Variants in GNAQ observed in about 807,000 individuals in gnomAD.
The protein encoded by GNAQ is G protein subunit alpha q.
GNAQ carries 8 observed loss-of-function variants against 43.9 expected under a neutral mutation model. That is an observed-to-expected ratio of 0.18 (90% CI 0.11 to 0.33). GNAQ has a LOEUF of 0.33. Among genes scored for constraint, GNAQ ranks in the 10% least tolerant of loss-of-function variants. GNAQ has a pLI of 1.00. For missense variants in GNAQ, 158 were observed against 450.8 expected, an observed-to-expected ratio of 0.35 and a Z score of 5.88; for synonymous variants, 155 against 170.7, an observed-to-expected ratio of 0.91 and a Z score of 0.71.
intron 2 of GNAQ, 86 bp from the exon 3 acceptor site, chr9:77,815,856 G>A: frequency 2.5e-6 from 2 of 789,758 alleles, no homozygotes; most frequent in Non-Finnish European, 2.1e-6. Context: ...TACAATTCAG[G>A]TAACACCTTC....
At chr9:77,824,054 C>T (rs1311331589) in intron 2 of GNAQ, among the ~76,000 whole-genome samples, 1 of 152,170 alleles carries the variant, frequency 6.6e-6, no homozygotes, top group Non-Finnish European at 1.5e-5. Context: ...TTGGTACCTT[C>T]ATGTACTTTA....
intron 2 of GNAQ, among the ~76,000 whole-genome samples, chr9:77,907,929 G>C (rs1828737827): frequency 6.6e-6 from 1 of 150,804 alleles, no homozygotes; most frequent in South Asian, 2.1e-4. Flanking sequence ...GGTGCCAAAG[G>C]TGTTTATGGA....
At chr9:78,022,707 T>C (rs1026812445) in intron 1 of GNAQ, among the ~76,000 whole-genome samples, 13 of 152,156 alleles carry the variant, frequency 8.5e-5, no homozygotes, top group South Asian at 2.1e-4. Flanking sequence ...TTAGAACAAG[T>C]CACAGGAAAT....
rs554783626 is a variant in GNAQ, at chr9:77,904,317, CTTTTTTTTTTTTTT to C, written c.321+17830_321+17843del. 1.9e-3 allele frequency among the ~76,000 whole-genome samples: 144 copies of C among 77,432 alleles called. 3 individuals carry two copies. The highest frequency in any genetic ancestry group is 7.6e-3 in the African/African-American group (134 of 17,652). 50.8% of individuals were successfully genotyped at this position (77,432 alleles called of 152,430 possible). ...TGGAGTTAACAGAAGTTCACACCGG[CTTTTTTTTTTTTTT>C]TTTTTTTTTTTTTTTTTGTGAGACA... On this transcript the variant is annotated intron_variant, in intron 2 of 6. Transcript: ENST00000286548.
chr9:78,021,159 G>A (rs1166690702), intron 1 of GNAQ, among the ~76,000 whole-genome samples: 2 of 148,758 alleles, frequency 1.3e-5, no homozygotes, highest in Non-Finnish European at 3.0e-5. Flanking sequence ...CTAAGTAACT[G>A]GGACCACAGG....
intron 5 of GNAQ, among the ~76,000 whole-genome samples, chr9:77,786,568 T>C (rs1826483866): frequency 6.6e-6 from 1 of 152,044 alleles, no homozygotes; most frequent in African/African-American, 2.4e-5. Context: ...GGGACTCCAG[T>C]GAAGCATCTT....
intron 2 of GNAQ, among the ~76,000 whole-genome samples, chr9:77,859,624 G>A (rs1044545054): frequency 3.3e-5 from 5 of 152,172 alleles, no homozygotes; most frequent in African/African-American, 7.2e-5. Context: ...CATAAGACCC[G>A]GAGTTGTAAG....
intron 2 of GNAQ, among the ~76,000 whole-genome samples, chr9:77,844,392 T>C (rs894943697): frequency 6.6e-6 from 1 of 152,134 alleles, no homozygotes; most frequent in African/African-American, 2.4e-5. Context: ...AAAAATCCAT[T>C]ATATTGGCTT....
chr9:77,984,976 T>C (rs183117218), intron 1 of GNAQ, among the ~76,000 whole-genome samples: 49 of 152,262 alleles, frequency 3.2e-4, no homozygotes, highest in Non-Finnish European at 5.9e-4. Context: ...ATGGCAATTT[T>C]ATGGCATGGA....
chr9:77,774,761 C>T (rs191517109), intron 5 of GNAQ, among the ~76,000 whole-genome samples: 51 of 152,202 alleles, frequency 3.4e-4, no homozygotes, highest in Non-Finnish European at 6.5e-4. Context: ...CCATGCCCAG[C>T]TCAGCTTACT....
chr9:77,874,109 A>AAAAAAAAAAACAAAAAAAC, intron 2 of GNAQ, among the ~76,000 whole-genome samples: 1 of 148,180 alleles, frequency 6.7e-6, no homozygotes, highest in South Asian at 2.1e-4. Context: ...CATCTCAAAA[A>AAAAAAAAAAACAAAAAAAC]AAAAAAACAA....
chr9:77,973,524 T>C (rs1031632398), intron 1 of GNAQ, among the ~76,000 whole-genome samples: 3 of 151,910 alleles, frequency 2.0e-5, no homozygotes. Context: ...AACATAGAAA[T>C]AGGAAGCAAT....
intron 1 of GNAQ, among the ~76,000 whole-genome samples, chr9:77,932,586 G>C (rs918109149): frequency 7.9e-5 from 12 of 152,184 alleles, no homozygotes. Context: ...TGGAGGCTGA[G>C]GTGGGAACAT....
At position 78,031,092 on chromosome 9, in the gene GNAQ, G is replaced by A. The variant is rs549576356; in HGVS notation, c.136+8C>T. 1.8e-5 allele frequency: 27 copies of A among 1,508,196 alleles called. No homozygotes were observed. In the Admixed American group the frequency reaches 5.1e-4, roughly 28 times the overall value. The allele number at this position is 1,508,196 out of a possible 1,614,324, so 93.4% of individuals were successfully genotyped here. ...CAGAGGCCCGGCGGGGCCCCGGACGGTACTCACCGAGCAGCAGCAGCTTGA... is the reference window on the plus strand; with the variant it reads ...CAGAGGCCCGGCGGGGCCCCGGACGATACTCACCGAGCAGCAGCAGCTTGA... On this transcript the variant is annotated splice_region_variant and intron_variant, in intron 1 of 6. Coordinates refer to ENST00000286548, the MANE Select transcript of GNAQ (RefSeq NM_002072.5).
chr9:77,933,546 G>A (rs1194134079), intron 1 of GNAQ, among the ~76,000 whole-genome samples: 1 of 152,002 alleles, frequency 6.6e-6, no homozygotes, highest in Non-Finnish European at 1.5e-5. Flanking sequence ...TCGGGAGGCT[G>A]AGGTGGGAGG....
intron 2 of GNAQ, among the ~76,000 whole-genome samples, chr9:77,861,959 C>T (rs187427447): frequency 1.4e-3 from 194 of 142,484 alleles, no homozygotes; most frequent in African/African-American, 4.6e-3. Context: ...GAGCTGAGAT[C>T]GTGCCACTGC....
chr9:78,017,748 T>C (rs1354850784), intron 1 of GNAQ, among the ~76,000 whole-genome samples: 1 of 152,190 alleles, frequency 6.6e-6, no homozygotes, highest in Admixed American at 6.5e-5. Context: ...TGGGGTTAAG[T>C]TTTTGGCAAT....
At chr9:77,773,860 G>A (rs1259961631) in intron 5 of GNAQ, among the ~76,000 whole-genome samples, 3 of 152,114 alleles carry the variant, frequency 2.0e-5, no homozygotes, top group African/African-American at 7.2e-5. Context: ...AACATTTCAC[G>A]AAATCCAGAC....
rs117168449 is a variant in GNAQ at position 77,920,359 on chromosome 9, G to A, written c.321+1802C>T. On this transcript the variant is annotated intron_variant, in intron 2 of 6. Transcript: ENST00000286548. ...AAGATTTTGGGGGATAAAATTCAGG[G>A]AGATTATATTTTAGTGTGTAAACTG... 9.9e-3 allele frequency among the ~76,000 whole-genome samples: 1,501 copies of A among 152,098 alleles called. 17 individuals carry two copies. The highest frequency in any genetic ancestry group is 0.013 in the Non-Finnish European group (885 of 68,004).
Sources: allele counts gnomAD v4.1 joint callset (sites outside exome capture counted in the v4.1 genomes callset), GRCh38; gene constraint gnomAD v4.1.1; transcripts MANE v1.5; gene names NCBI Gene and HGNC (gene_info 2026-07-23, HGNC 2026-07-21).